Variants in PTPDC1 observed in about 807,000 individuals in gnomAD.
PTPDC1 encodes protein tyrosine phosphatase domain-containing protein 1.
PTPDC1 carries 53 observed loss-of-function variants against 75.3 expected under a neutral mutation model. The ratio of observed to expected loss-of-function variants is 0.70; its 90% CI spans 0.56 to 0.88. The LOEUF (loss-of-function observed/expected upper bound fraction) is 0.88. Ranked by LOEUF, PTPDC1 falls within the 40% of genes least tolerant of loss-of-function variation. PTPDC1 has a pLI of 0.00. For synonymous variants in PTPDC1, 349 were observed against 366.2 expected (o/e 0.95, Z 0.54); for missense variants, 925 against 998.6 (o/e 0.93, Z 0.99).
chr9:94,097,373 A>G lies in PTPDC1; in HGVS notation c.807A>G (p.Gln269=), dbSNP rs7866977. ...TTGCAACGAGAATGACTGCTGACCA[A>G]GCAATTATATTTGTGCGGGCAAAGC... ...LVFATRMTAD[Q]AIIFVRAKRP... is the part of the protein sequence containing the mutation. The change falls in exon 6 of 9, where the codon CAA becomes CAG. Residue 269 remains glutamine (Q), a synonymous_variant. Transcript: ENST00000620992. The G allele has an allele frequency of 5.0e-3, 8,049 of 1,613,666 alleles. 313 individuals carry two copies. The African/African-American group carries it at 0.091, about 18-fold the overall frequency.
At chr9:94,039,418 G>C (rs1587836237) in intron 1 of PTPDC1, among the ~76,000 whole-genome samples, 4 of 152,022 alleles carry the variant, frequency 2.6e-5, no homozygotes, top group African/African-American at 9.7e-5. Context: ...GTATGTAATA[G>C]TAGCCAGTGC....
upstream of PTPDC1, chr9:94,084,446 G>A: frequency 1.3e-6 from 2 of 1,565,664 alleles, no homozygotes; most frequent in East Asian, 2.2e-5. Flanking sequence ...ACAGAACGAT[G>A]CAATGCTCCC....
At chr9:94,096,983 G>A (rs576145053) in intron 5 of PTPDC1, among the ~76,000 whole-genome samples, 1 of 152,230 alleles carries the variant, frequency 6.6e-6, no homozygotes, top group Admixed American at 6.5e-5. Flanking sequence ...GTAGAACAAG[G>A]AGGATAGATG....
intron 4 of PTPDC1, 53 bp from the exon 5 acceptor site, chr9:94,095,264 A>C: frequency 1.4e-6 from 2 of 1,432,984 alleles, no homozygotes; most frequent in East Asian, 2.3e-5. Context: ...TAGTGTTTGT[A>C]CTTTCATTAA....
chr9:94,039,775 A>G (rs1201597553), intron 1 of PTPDC1, among the ~76,000 whole-genome samples: 2 of 152,166 alleles, frequency 1.3e-5, no homozygotes, highest in African/African-American at 2.4e-5. Context: ...GTAAGCAGAA[A>G]AGAAACACAA....
upstream of PTPDC1, among the ~76,000 whole-genome samples, chr9:94,080,826 A>G (rs1311524733): frequency 3.3e-5 from 5 of 152,194 alleles, no homozygotes; most frequent in Non-Finnish European, 7.3e-5. Context: ...GGTCTGAGGA[A>G]TAGAGGGCAA....
intron 4 of PTPDC1, among the ~76,000 whole-genome samples, chr9:94,094,452 G>A (rs1003122155): frequency 5.1e-4 from 78 of 152,248 alleles, no homozygotes; most frequent in South Asian, 6.2e-4. Flanking sequence ...TTCCAGCTGC[G>A]TGCTGGGAGA....
rs1826243132 is a variant in PTPDC1 at position 94,064,665 on chromosome 9, C to T, written c.-6-69C>T. 3 of 1,055,084 alleles carry T rather than the reference C, an allele frequency of 2.8e-6. No individual in the cohort carries two copies. In the East Asian group the frequency reaches 7.4e-5, roughly 26 times the overall value. 65.4% of individuals were successfully genotyped at this position (1,055,084 alleles called of 1,614,324 possible). A position where few individuals can be genotyped will look rare whatever the true frequency, so the allele number is the denominator to read the frequency against. On this transcript the variant is annotated intron_variant, in intron 1 of 9. Transcript: ENST00000375360. ...CAGCATTGGATAACAAAGGTCTAGC[C>T]ATATTTTGGGTGATTAATAAATGAC...
chr9:94,094,365 T>TGAGG (rs575102360), intron 4 of PTPDC1, among the ~76,000 whole-genome samples: 9 of 149,346 alleles, frequency 6.0e-5, no homozygotes, highest in African/African-American at 2.2e-4. Flanking sequence ...GTGCCCCTGC[T>TGAGG]GGTGCCTCCC....
At chr9:94,094,389 T>G (rs551816366) in intron 4 of PTPDC1, among the ~76,000 whole-genome samples, 27 of 151,942 alleles carry the variant, frequency 1.8e-4, no homozygotes, top group Admixed American at 9.2e-4. Flanking sequence ...TAGGCTGTTC[T>G]GGGGTCAGGG....
At chr9:94,036,375 A>G (rs1587833420) in intron 1 of PTPDC1, among the ~76,000 whole-genome samples, 1 of 151,988 alleles carries the variant, frequency 6.6e-6, no homozygotes, top group Non-Finnish European at 1.5e-5. Context: ...GTGGTGTAAG[A>G]TAGGAGTCCT....
Position 94,097,433 on chromosome 9 carries a change from C to T in PTPDC1, c.867C>T (p.Leu289=), listed in dbSNP as rs536514519. ...CCATACAAACCAGAGGACAGCTCCTCTGTGTAAGGGAATTTACTCAGTTTC... is the reference window on the plus strand; with the variant it reads ...CCATACAAACCAGAGGACAGCTCCTTTGTGTAAGGGAATTTACTCAGTTTC... The part of the protein sequence containing the change: ...PNSIQTRGQL[L]CVREFTQFLT... The change falls in exon 6 of 9, where the codon CTC becomes CTT. Residue 289 remains leucine (L), a synonymous_variant. Transcript: ENST00000620992. 13 of 1,614,148 alleles carry T rather than the reference C, an allele frequency of 8.1e-6. No individual in the cohort carries two copies. The highest frequency in any genetic ancestry group is 4.4e-5 in the South Asian group (4 of 91,084).
intron 1 of PTPDC1, among the ~76,000 whole-genome samples, chr9:94,062,659 C>A (rs1826178864): frequency 6.6e-6 from 1 of 152,056 alleles, no homozygotes; most frequent in South Asian, 2.1e-4. Flanking sequence ...TTTAAACAAC[C>A]AGATATCATG....
At chr9:94,076,832 C>A (rs1205695944) in intron 2 of PTPDC1, among the ~76,000 whole-genome samples, 1 of 152,020 alleles carries the variant, frequency 6.6e-6, no homozygotes, top group Non-Finnish European at 1.5e-5. Flanking sequence ...TTTTACATCC[C>A]CATTGATACT....
At chr9:94,086,209 T>C (rs187742005) in intron 2 of PTPDC1, among the ~76,000 whole-genome samples, 201 of 152,360 alleles carry the variant, frequency 1.3e-3, no homozygotes, top group Non-Finnish European at 2.5e-3. Flanking sequence ...TGTAGTGATA[T>C]AGTCTGGGGT....
At chr9:94,095,182 C>T (rs1168313251) in intron 4 of PTPDC1, 135 bp from the exon 5 acceptor site, 3 of 585,558 alleles carry the variant, frequency 5.1e-6, no homozygotes, top group Non-Finnish European at 2.9e-6. Flanking sequence ...TGTAAAATCC[C>T]TCTTATTTTA....
At chr9:94,096,650 C>G (rs150624804) in intron 5 of PTPDC1, among the ~76,000 whole-genome samples, 2 of 152,196 alleles carry the variant, frequency 1.3e-5, no homozygotes, top group African/African-American at 4.8e-5. Flanking sequence ...AGCCTGGCTT[C>G]CTTAAGATTG....
At chr9:94,107,736 TG>T (rs1182699558) in intron 8 of PTPDC1, 91 bp from the exon 9 acceptor site, 1 of 586,332 alleles carries the variant, frequency 1.7e-6, no homozygotes, top group Non-Finnish European at 2.9e-6. Context: ...TTTGTAAGTC[TG>T]TTTTTTTTCT....
chr9:94,102,389 ATATG>A (rs1028353121), intron 7 of PTPDC1, among the ~76,000 whole-genome samples: 2 of 151,832 alleles, frequency 1.3e-5, no homozygotes, highest in Non-Finnish European at 2.9e-5. Context: ...AAATATGTAT[ATATG>A]TATAAAATAT....
Sources: allele counts gnomAD v4.1 joint callset (sites outside exome capture counted in the v4.1 genomes callset), GRCh38; gene constraint gnomAD v4.1.1; transcripts MANE v1.5; gene names NCBI Gene and HGNC (gene_info 2026-07-23, HGNC 2026-07-21).